Variants in CDH23 observed in about 807,000 individuals in gnomAD.
CDH23 encodes the protein cadherin related 23.
Under a neutral mutation model 317.1 loss-of-function variants are expected in CDH23, and 189 were observed. That is an observed-to-expected ratio of 0.60 (90% CI 0.53 to 0.67). The LOEUF is 0.67. Among genes scored for constraint, CDH23 ranks in the 30% least tolerant of loss-of-function variants. The pLI, the probability that CDH23 is intolerant of heterozygous loss-of-function variation, is 0.00. For missense variants in CDH23, 4,401 were observed against 4,592.4 expected (o/e 0.96, Z 1.20); for synonymous variants, 1,839 against 1,876.8 (o/e 0.98, Z 0.52).
intron 1 of CDH23, among the ~76,000 whole-genome samples, chr10:71,435,930 C>T (rs1353803121): frequency 6.6e-6 from 1 of 152,246 alleles, no homozygotes; most frequent in African/African-American, 2.4e-5. Context: ...TCTGTCTCTT[C>T]CCTCTGGCAT....
At chr10:71,621,375 T>A (rs1220683213) in intron 11 of CDH23, among the ~76,000 whole-genome samples, 1 of 152,200 alleles carries the variant, frequency 6.6e-6, no homozygotes, top group African/African-American at 2.4e-5. Flanking sequence ...CCACGATTAG[T>A]GTGAGGATCC....
At chr10:71,718,037 G>A (rs964696193) in intron 28 of CDH23, 3 of 152,172 alleles carry the variant, frequency 2.0e-5, no homozygotes, top group Non-Finnish European at 2.9e-5. Flanking sequence ...CAATCCCAGG[G>A]GGTCTGATAA....
chr10:71,473,333 A>G (rs922877156), intron 3 of CDH23, among the ~76,000 whole-genome samples: 19 of 152,264 alleles, frequency 1.2e-4, no homozygotes, highest in African/African-American at 4.3e-4. Flanking sequence ...ATAAAAAGTC[A>G]ATATAAATGC....
rs1434537303 is a variant in CDH23, at chr10:71,550,573, AAAAAG to A, written c.430-16164_430-16160del. Reference sequence around the variant, plus strand: ...AGACCCTGTCTCAAAAAAAAAAAAAAAAAAGAAAAAAGAAAAAGAAAGAAAGAAAG... The same window carrying A: ...AGACCCTGTCTCAAAAAAAAAAAAAAAAAAAAGAAAAAGAAAGAAAGAAAG... On this transcript the variant is annotated intron_variant, in intron 6 of 69. Transcript: ENST00000224721. Among the ~76,000 whole-genome samples the A allele has an allele frequency of 2.7e-3, 313 of 114,278 alleles. 1 individual carries two copies. The highest frequency in any genetic ancestry group is 4.4e-3 in the Middle Eastern group (1 of 228). 75.0% of individuals were successfully genotyped at this position (114,278 alleles called of 152,430 possible).
chr10:71,807,858 A>G lies in CDH23; in HGVS notation c.8573A>G (p.Asp2858Gly). Reference protein sequence around the residue: ...KAEYTAGVATDAKVGSELIQV... With the variant: ...KAEYTAGVATGAKVGSELIQV... ...CCTCTTCCTGCAGGGGTGGCCACCGACGCCAAGGTGGGCTCAGAGTTGATC... is the reference window on the plus strand; with the variant it reads ...CCTCTTCCTGCAGGGGTGGCCACCGGCGCCAAGGTGGGCTCAGAGTTGATC... Residue 2858 changes from aspartate to glycine, a missense_variant, in exon 60 of 70, where the codon GAC becomes GGC. Transcript: ENST00000224721. The G allele has an allele frequency of 6.2e-7, 1 of 1,602,436 alleles. No homozygotes were observed. Among genetic ancestry groups the G allele is most frequent in the Non-Finnish European group, 8.5e-7 (1 of 1,174,438 alleles).
At position 71,789,980 on chromosome 10, in the gene CDH23, C is replaced by G. The variant is rs530467280; in HGVS notation, c.5924-308C>G. Among the ~76,000 whole-genome samples, 142 of 152,320 alleles carry G rather than the reference C, an allele frequency of 9.3e-4. 1 individual carries two copies. Among genetic ancestry groups the G allele is most frequent in the African/African-American group, 3.3e-3 (136 of 41,570 alleles). ...CATGGGGAGGGGATGTCAGGGAGCC[C>G]CAGACCCTCCCGAGGAGCGGCCAGC... On this transcript the variant is annotated intron_variant, in intron 45 of 69. Transcript: ENST00000224721.
intron 6 of CDH23, among the ~76,000 whole-genome samples, chr10:71,566,001 G>A (rs750713490): frequency 2.0e-5 from 3 of 152,194 alleles, no homozygotes; most frequent in South Asian, 2.1e-4. Flanking sequence ...GAGGGAGCCT[G>A]CTGGGTTCAA....
chr10:71,774,455 C>A (rs143053433), intron 38 of CDH23, among the ~76,000 whole-genome samples: 102 of 152,340 alleles, frequency 6.7e-4, no homozygotes, highest in Admixed American at 1.3e-3. Flanking sequence ...ACTGTCCACA[C>A]CCCCTTCAGC....
At chr10:71,632,101 A>G (rs1862041175) in intron 11 of CDH23, among the ~76,000 whole-genome samples, 1 of 152,214 alleles carries the variant, frequency 6.6e-6, no homozygotes, top group South Asian at 2.1e-4. Context: ...TCATAGAACT[A>G]TATACCAAAA....
intron 9 of CDH23, among the ~76,000 whole-genome samples, chr10:71,585,944 G>A (rs976655042): frequency 6.6e-6 from 1 of 152,184 alleles, no homozygotes; most frequent in Non-Finnish European, 1.5e-5. Context: ...GCACAGTCTA[G>A]GACTCTCCCT....
intron 24 of CDH23, among the ~76,000 whole-genome samples, chr10:71,704,049 G>A (rs140834029): frequency 0.016 from 2,381 of 152,254 alleles, 68 homozygotes; most frequent in African/African-American, 0.055. Flanking sequence ...GGAGAAGAGC[G>A]TTCTCCAGGG....
intron 9 of CDH23, among the ~76,000 whole-genome samples, chr10:71,611,935 T>TA (rs1215080917): frequency 1.3e-5 from 2 of 152,112 alleles, no homozygotes; most frequent in Admixed American, 6.5e-5. Context: ...ATGAGTGAAT[T>TA]AAAAAAACCA....
intron 9 of CDH23, among the ~76,000 whole-genome samples, chr10:71,590,193 G>T (rs985962893): frequency 2.6e-5 from 4 of 152,190 alleles, no homozygotes; most frequent in Admixed American, 6.5e-5. Flanking sequence ...TTAACTGGCT[G>T]CCCCCATTCA....
chr10:71,542,422 C>T (rs1187579102), intron 6 of CDH23, among the ~76,000 whole-genome samples: 1 of 152,216 alleles, frequency 6.6e-6, no homozygotes, highest in African/African-American at 2.4e-5. Flanking sequence ...ATTTGCAGCC[C>T]TCAATCCTCT....
At position 71,525,781 on chromosome 10, in the gene CDH23, C is replaced by G. The variant is rs1855005947; in HGVS notation, c.429+14569C>G. Among the ~76,000 whole-genome samples, 2 of 152,178 alleles carry G rather than the reference C, an allele frequency of 1.3e-5. 1 individual carries two copies. Among genetic ancestry groups the G allele is most frequent in the Admixed American group, 1.3e-4 (2 of 15,292 alleles). ...GTGACCCTCCTGGGAAACCTGGCTT[C>G]TTGGCAGCAGCCCAGAAACCAGAGA... On this transcript the variant is annotated intron_variant, in intron 6 of 69. Coordinates refer to ENST00000224721, the MANE Select transcript of CDH23 (RefSeq NM_022124.6).
chr10:71,536,503 C>T (rs1380956016), intron 6 of CDH23, among the ~76,000 whole-genome samples: 1 of 152,168 alleles, frequency 6.6e-6, no homozygotes, highest in African/African-American at 2.4e-5. Context: ...AGAGTGACGG[C>T]ATGACACAAA....
intron 9 of CDH23, among the ~76,000 whole-genome samples, chr10:71,591,832 C>T (rs529790947): frequency 6.6e-6 from 1 of 152,002 alleles, no homozygotes; most frequent in Non-Finnish European, 1.5e-5. Context: ...AATGCCAGCT[C>T]TCTGTTGGAT....
intron 3 of CDH23, among the ~76,000 whole-genome samples, chr10:71,468,809 G>A (rs763943236): frequency 6.6e-5 from 10 of 152,302 alleles, no homozygotes; most frequent in African/African-American, 2.2e-4. Flanking sequence ...GCCGGGGCCC[G>A]GCAGGAGACA....
intron 9 of CDH23, among the ~76,000 whole-genome samples, chr10:71,598,579 A>G (rs957290784): frequency 6.6e-6 from 1 of 152,208 alleles, no homozygotes; most frequent in Non-Finnish European, 1.5e-5. Context: ...CTGATGGGGA[A>G]GGAGGCAGGG....
Sources: allele counts gnomAD v4.1 joint callset (sites outside exome capture counted in the v4.1 genomes callset), GRCh38; gene constraint gnomAD v4.1.1; transcripts MANE v1.5; gene names NCBI Gene and HGNC (gene_info 2026-07-23, HGNC 2026-07-21).